TENM4: variants seen among roughly 807,000 people sequenced by gnomAD.
TENM4 encodes the protein teneurin-4.
A neutral mutation model predicts 243.3 loss-of-function variants in TENM4; 82 were observed. That is an observed-to-expected ratio of 0.34 (90% CI 0.28 to 0.40). The LOEUF is 0.40. Ranked by LOEUF, TENM4 falls within the 10% of genes least tolerant of loss-of-function variation. The pLI is 1.00. For synonymous variants in TENM4, 1,412 were observed against 1,456.3 expected, an observed-to-expected ratio of 0.97 and a Z score of 0.69; for missense variants, 3,138 against 3,673.3, an observed-to-expected ratio of 0.85 and a Z score of 3.77.
rs77272819 is a variant in TENM4 at position 79,301,092 on chromosome 11, C to G, written c.-320-3549G>C. On this transcript the variant is annotated intron_variant, in intron 1 of 33. Coordinates refer to ENST00000278550, the MANE Select transcript of TENM4 (RefSeq NM_001098816.3). ...TCTGGGGGACTTCTGCAGTGGCCTC[C>G]CAGTAGTCTCCTACATCTTCTACTC... is the stretch of plus-strand genomic sequence containing the variant. Among the ~76,000 whole-genome samples the G allele has an allele frequency of 6.3e-3, 964 of 152,290 alleles. 15 individuals carry two copies. The highest frequency in any genetic ancestry group is 0.022 in the African/African-American group (931 of 41,552).
intron 2 of TENM4, among the ~76,000 whole-genome samples, chr11:79,259,558 C>T (rs1480428134): frequency 2.6e-5 from 4 of 151,194 alleles, no homozygotes; most frequent in Non-Finnish European, 5.9e-5. Flanking sequence ...TATACTCACT[C>T]ACCCATCCAC....
intron 1 of TENM4, among the ~76,000 whole-genome samples, chr11:79,325,594 G>C (rs1452298509): frequency 6.6e-6 from 1 of 152,164 alleles, no homozygotes; most frequent in East Asian, 1.9e-4. Context: ...GAGATTAACT[G>C]TTAACTGAGA....
intron 2 of TENM4, among the ~76,000 whole-genome samples, chr11:79,283,999 G>T (rs1406252515): frequency 6.6e-6 from 1 of 152,032 alleles, no homozygotes; most frequent in Admixed American, 6.5e-5. Context: ...TTTAAAAAAA[G>T]AAGTGAAAGA....
intron 6 of TENM4, among the ~76,000 whole-genome samples, chr11:78,954,356 G>A (rs1300315964): frequency 6.6e-6 from 1 of 152,206 alleles, no homozygotes; most frequent in Non-Finnish European, 1.5e-5. Flanking sequence ...ACAGAGTACT[G>A]GAAAAAGCCA....
intron 1 of TENM4, among the ~76,000 whole-genome samples, chr11:79,308,325 A>C (rs1365483852): frequency 1.3e-5 from 2 of 152,380 alleles, no homozygotes; most frequent in African/African-American, 2.4e-5. Context: ...AAAATGTTAA[A>C]ATGAAAAATT....
In TENM4 at chr11:79,069,727, C is replaced by T. The variant is rs566743822; in HGVS notation, c.218G>A (p.Arg73His). The T allele has an allele frequency of 1.9e-6, 3 of 1,550,288 alleles. No homozygotes were observed. Among genetic ancestry groups the T allele is most frequent in the East Asian group, 4.9e-5 (2 of 40,910 alleles). The change falls in exon 5 of 34, where the codon CGC (arginine) becomes CAC (histidine). Residue 73 changes from arginine to histidine, a missense_variant. Physicochemically the swap from Arg to His is conservative, Grantham distance 29. Around this residue, in one of 2 missense-constraint regions of TENM4, gnomAD observed 671 missense variants for 614.1 expected, o/e 1.09. Transcript: ENST00000278550. ...CCCCTCGGCCTTGTCCTTACCTGTG[C>T]GGCAGAATTCCTCGGCCTCCTGCGG... ...IVPQEAEEFC[R>H]TGANFTLREL...
At chr11:79,330,362 A>G (rs1857042332) in intron 1 of TENM4, among the ~76,000 whole-genome samples, 1 of 152,162 alleles carries the variant, frequency 6.6e-6, no homozygotes. Flanking sequence ...CACTTCCTGA[A>G]TCGCTGGCCT....
intron 4 of TENM4, among the ~76,000 whole-genome samples, chr11:79,124,740 G>A (rs1332599306): frequency 7.1e-6 from 1 of 140,816 alleles, no homozygotes; most frequent in Admixed American, 7.2e-5. Context: ...GTTCTCTAGA[G>A]GGACAGAACT....
intron 24 of TENM4, among the ~76,000 whole-genome samples, chr11:78,721,823 C>A (rs1373411567): frequency 6.6e-6 from 1 of 152,112 alleles, no homozygotes; most frequent in African/African-American, 2.4e-5. Flanking sequence ...TGGCGCAATT[C>A]CTCTTGAAAG....
rs963631880 is a variant in TENM4, at chr11:79,425,572, C to G, written c.-321+14937G>C. On this transcript the variant is annotated intron_variant, in intron 1 of 33. Transcript: ENST00000278550. ...GAGCCAGACTGATCCAAATTCAAAT[C>G]CTGGCAACACTACTCATATAGTCAG... Among the ~76,000 whole-genome samples, 12 of 152,342 alleles carry G rather than the reference C, an allele frequency of 7.9e-5. 1 individual carries two copies. The highest frequency in any genetic ancestry group is 3.9e-4 in the Admixed American group (6 of 15,298).
chr11:78,794,019 C>T (rs1857111756), intron 15 of TENM4, among the ~76,000 whole-genome samples: 1 of 152,208 alleles, frequency 6.6e-6, no homozygotes. Flanking sequence ...AAGCACTTTT[C>T]CTTTTGTTTG....
rs1246660265 is a variant in TENM4 at position 79,078,149 on chromosome 11, G to C, written c.-65-8140C>G. 2.0e-5 allele frequency among the ~76,000 whole-genome samples: 3 copies of C among 152,180 alleles called. No homozygotes were observed. The East Asian group carries it at 5.8e-4, about 29-fold the overall frequency. ...CAAAACCCGCAGGGAAATGGGGGCT[G>C]TTATCACCCCGGGTTACCTCGCAGC... On this transcript the variant is annotated intron_variant, in intron 4 of 33. Coordinates refer to ENST00000278550, the MANE Select transcript of TENM4 (RefSeq NM_001098816.3).
intron 1 of TENM4, among the ~76,000 whole-genome samples, chr11:79,298,447 G>A (rs1380875049): frequency 2.0e-5 from 3 of 149,584 alleles, no homozygotes; most frequent in South Asian, 2.1e-4. Context: ...CCCGGGAAGC[G>A]GAGCTTGCAG....
intron 6 of TENM4, among the ~76,000 whole-genome samples, chr11:78,931,686 G>A (rs1482906097): frequency 1.3e-5 from 2 of 152,166 alleles, no homozygotes; most frequent in African/African-American, 4.8e-5. Context: ...AAGCTGCTAT[G>A]GGGTAGAGTC....
intron 2 of TENM4, among the ~76,000 whole-genome samples, chr11:79,235,405 G>A (rs1864446411): frequency 6.6e-6 from 1 of 152,188 alleles, no homozygotes; most frequent in Non-Finnish European, 1.5e-5. Flanking sequence ...GAGAGATGCA[G>A]GGTTGAGACC....
At chr11:79,076,696 C>T (rs1291071275) in intron 4 of TENM4, among the ~76,000 whole-genome samples, 1 of 151,958 alleles carries the variant, frequency 6.6e-6, no homozygotes, top group African/African-American at 2.4e-5. Flanking sequence ...TCAATAGGGA[C>T]GTGAATGTGG....
chr11:79,372,952 A>G (rs1398876791), intron 1 of TENM4, among the ~76,000 whole-genome samples: 1 of 152,220 alleles, frequency 6.6e-6, no homozygotes, highest in Non-Finnish European at 1.5e-5. Flanking sequence ...CGTGCAGCCA[A>G]TAAAGTGTAT....
chr11:79,037,778 C>A (rs989793570), intron 6 of TENM4, among the ~76,000 whole-genome samples: 5 of 152,176 alleles, frequency 3.3e-5, no homozygotes, highest in Non-Finnish European at 5.9e-5. Flanking sequence ...ATCAGGATAT[C>A]CATAGCTAAG....
rs754203789 is a variant in TENM4, at chr11:78,903,404, A to G, written c.613T>C (p.Phe205Leu). ...GGGCTGGGGTTGCTCCTCGGCGTGA[A>G]GTTGCCCCGGTTCAGGGAGTTAATG... ...ASINSLNRGN[F>L]TPRSNPSPAP... The change falls in exon 7 of 34, where the codon TTC (phenylalanine) becomes CTC (leucine). Residue 205 changes from phenylalanine to leucine, a missense_variant. Physicochemically the swap from Phe to Leu is conservative, Grantham distance 22 (BLOSUM62 0). Coordinates refer to ENST00000278550, the MANE Select transcript of TENM4 (RefSeq NM_001098816.3). 1.3e-6 allele frequency: 2 copies of G among 1,538,608 alleles called. No homozygotes were observed. Among genetic ancestry groups the G allele is most frequent in the East Asian group, 5.0e-5 (2 of 40,066 alleles).
Sources: allele counts gnomAD v4.1 joint callset (sites outside exome capture counted in the v4.1 genomes callset), GRCh38; gene constraint gnomAD v4.1.1; regional missense constraint gnomAD v4.1.1; transcripts MANE v1.5; gene names NCBI Gene and HGNC (gene_info 2026-07-23, HGNC 2026-07-21).